The following RFX2 variants were observed in gnomAD, a reference collection of about 807,000 sequenced individuals.
The protein encoded by RFX2 is regulatory factor X2, also known as DNA-binding protein RFX2.
Under a neutral mutation model 87.8 loss-of-function variants are expected in RFX2, and 20 were observed. The observed-to-expected ratio is 0.23, with a 90% CI of 0.16 to 0.33. RFX2 has a LOEUF of 0.33. Among genes scored for constraint, RFX2 ranks in the 10% least tolerant of loss-of-function variants. The pLI is 1.00. For missense variants in RFX2, 767 were observed against 1,012.3 expected (o/e 0.76, Z 3.29); for synonymous variants, 397 against 431.3 (o/e 0.92, Z 0.98).
chr19:6,098,273 G>A (rs2088058498), intron 1 of RFX2, among the ~76,000 whole-genome samples: 1 of 151,960 alleles, frequency 6.6e-6, no homozygotes, highest in African/African-American at 2.4e-5. Flanking sequence ...CATTAAAAAC[G>A]ACCTCTCCTC....
Position 6,095,863 on chromosome 19 carries a change from A to T in RFX2, c.-9+14530T>A, listed in dbSNP as rs796203587. ...ATTTTGAAGTGGTTAGAAAAAAATC[A>T]AAATCAAAATATTCTGTGATGCATG... On this transcript the variant is annotated intron_variant, in intron 1 of 17. Coordinates refer to ENST00000303657, the MANE Select transcript of RFX2 (RefSeq NM_000635.4). Among the ~76,000 whole-genome samples the T allele has an allele frequency of 1.8e-4, 27 of 152,348 alleles. 1 individual carries two copies. Among genetic ancestry groups the T allele is most frequent in the African/African-American group, 6.3e-4 (26 of 41,580 alleles).
At position 6,040,554 on chromosome 19, in the gene RFX2, G is replaced by A. The variant is rs1267941622; in HGVS notation, c.261-313C>T. ...GTGGGAAAATTGCTTGAGGTCAGAA[G>A]TTTGAGACCAGCCTGGGCAACATAG... On this transcript the variant is annotated intron_variant, in intron 4 of 17. Coordinates refer to ENST00000303657, the MANE Select transcript of RFX2 (RefSeq NM_000635.4). This position sits in a 1 kb window ranked among gnomAD's most constrained non-coding sequence, Gnocchi z 6.1. Among the ~76,000 whole-genome samples, 1 of 152,146 alleles carries A rather than the reference G, an allele frequency of 6.6e-6. No homozygotes were observed. The highest frequency in any genetic ancestry group is 1.9e-4 in the East Asian group (1 of 5,180).
chr19:6,017,425 C>T lies in RFX2; in HGVS notation c.598-1154G>A, dbSNP rs531957209. On this transcript the variant is annotated intron_variant, in intron 6 of 17. Coordinates refer to ENST00000303657, the MANE Select transcript of RFX2 (RefSeq NM_000635.4). The surrounding 1 kb of genome is among the most constrained non-coding windows in gnomAD (Gnocchi z 4.1). The stretch of plus-strand genomic sequence containing the variant: ...CCTCACCCAGGTGCCTTAAAGACTG[C>T]GGCTTAATTCTGGTTTCCACCTCTC... Among the ~76,000 whole-genome samples the T allele has an allele frequency of 1.1e-3, 163 of 152,308 alleles. No homozygotes were observed. Among genetic ancestry groups the T allele is most frequent in the South Asian group, 9.1e-3 (44 of 4,822 alleles).
intron 1 of RFX2, among the ~76,000 whole-genome samples, chr19:6,078,742 G>T (rs2087732108): frequency 1.3e-5 from 2 of 152,166 alleles, no homozygotes; most frequent in Admixed American, 6.5e-5. Context: ...TGTAGATGGT[G>T]GTCCTTCCCA....
rs995068224 is a variant in RFX2, at chr19:6,035,023, C to T, written c.522+4957G>A. ...CAGTAGGACATTTTAACTTCAGCTG[C>T]AATTAAAATCCATTAGACTTTTTTG... On this transcript the variant is annotated intron_variant, in intron 5 of 17. Coordinates refer to ENST00000303657, the MANE Select transcript of RFX2 (RefSeq NM_000635.4). Among the ~76,000 whole-genome samples the T allele has an allele frequency of 3.9e-5, 6 of 152,228 alleles. 1 individual carries two copies. The highest frequency in any genetic ancestry group is 1.3e-4 in the Admixed American group (2 of 15,304).
intron 5 of RFX2, among the ~76,000 whole-genome samples, chr19:6,031,423 CTTTTTTTTTTT>C (rs58834364): frequency 1.1e-5 from 1 of 90,186 alleles, no homozygotes; most frequent in Non-Finnish European, 2.0e-5. Context: ...TTCTCCTTCC[CTTTTTTTTTTT>C]TTTTTTTTTT....
At chr19:6,000,892 GT>G (rs1025885261) in intron 15 of RFX2, among the ~76,000 whole-genome samples, 1 of 152,224 alleles carries the variant, frequency 6.6e-6, no homozygotes, top group Non-Finnish European at 1.5e-5. Flanking sequence ...GAACAGCTTT[GT>G]TTTTTCCTGG....
chr19:6,018,437 A>G (rs1403460805), intron 6 of RFX2, among the ~76,000 whole-genome samples: 1 of 152,200 alleles, frequency 6.6e-6, no homozygotes, highest in East Asian at 1.9e-4. Flanking sequence ...TGGAGTGAGG[A>G]CCTGCCCTGG....
Position 6,002,626 on chromosome 19 carries a change from G to A in RFX2, c.1650+95C>T. 2.7e-6 allele frequency: 4 copies of A among 1,489,500 alleles called. No individual in the cohort carries two copies. Among genetic ancestry groups the A allele is most frequent in the Non-Finnish European group, 3.7e-6 (4 of 1,084,836 alleles). 92.3% of individuals were successfully genotyped at this position (1,489,500 alleles called of 1,614,324 possible). On this transcript the variant is annotated intron_variant, in intron 14 of 17. Transcript: ENST00000303657. This position sits in a 1 kb window ranked among gnomAD's most constrained non-coding sequence, Gnocchi z 6.7. ...AGAACCGTGGCCAGGCTCGGGGCAG[G>A]GGCCAGGTTGTGCCACGGGCTCCAC...
intron 1 of RFX2, chr19:6,073,073 G>A (rs966256072): frequency 8.8e-6 from 4 of 455,292 alleles, no homozygotes; most frequent in African/African-American, 2.0e-5. Context: ...TCCGCCTTCC[G>A]GGTTGAAGCA....
intron 6 of RFX2, among the ~76,000 whole-genome samples, chr19:6,019,512 ATGTGTGTG>A (rs147877773): frequency 1.3e-4 from 16 of 126,988 alleles, no homozygotes; most frequent in Admixed American, 2.4e-4. Context: ...GTGTGTGAGT[ATGTGTGTG>A]TGTGTGTGTG....
intron 1 of RFX2, among the ~76,000 whole-genome samples, chr19:6,086,155 C>T (rs2087853504): frequency 6.6e-6 from 1 of 151,064 alleles, no homozygotes; most frequent in Admixed American, 6.6e-5. Flanking sequence ...ATGTGGAAAC[C>T]CAGTTTTCCC....
intron 12 of RFX2, among the ~76,000 whole-genome samples, chr19:6,006,460 ATTTT>A (rs35404707): frequency 9.2e-6 from 1 of 108,556 alleles, no homozygotes; most frequent in African/African-American, 4.2e-5. Context: ...TGCCCAGCTC[ATTTT>A]TTTTTTTTTT....
rs765066228 is a variant in RFX2, at chr19:6,001,781, G to A, written c.1859+34C>T. The A allele has an allele frequency of 1.7e-5, 26 of 1,540,472 alleles. No homozygotes were observed. The highest frequency in any genetic ancestry group is 1.2e-4 in the South Asian group (10 of 83,848). On this transcript the variant is annotated intron_variant, in intron 15 of 17. Coordinates refer to ENST00000303657, the MANE Select transcript of RFX2 (RefSeq NM_000635.4). This position sits in a 1 kb window ranked among gnomAD's most constrained non-coding sequence, Gnocchi z 5.6. ...AAGTTTCTCTCAGAGCCCCCCACCCGCCAGAATTCTCTCGGAGGTCTGGTG... is the reference window on the plus strand; with the variant it reads ...AAGTTTCTCTCAGAGCCCCCCACCCACCAGAATTCTCTCGGAGGTCTGGTG...
chr19:6,032,819 CCTT>C (rs2086968860), intron 5 of RFX2, among the ~76,000 whole-genome samples: 1 of 152,188 alleles, frequency 6.6e-6, no homozygotes, highest in Non-Finnish European at 1.5e-5. Context: ...GACAGGGTCT[CCTT>C]CTGTCACCCA....
intron 1 of RFX2, among the ~76,000 whole-genome samples, chr19:6,106,301 A>G (rs1211164186): frequency 6.6e-6 from 1 of 152,162 alleles, no homozygotes; most frequent in Non-Finnish European, 1.5e-5. Flanking sequence ...CACCAGGCAT[A>G]TGTCTACATG....
chr19:6,077,711 G>A (rs2087712824), intron 1 of RFX2, among the ~76,000 whole-genome samples: 1 of 152,208 alleles, frequency 6.6e-6, no homozygotes, highest in Non-Finnish European at 1.5e-5. Flanking sequence ...GCCGGGCGCG[G>A]TGGCTCACAC....
In RFX2 at chr19:5,997,126, C is replaced by T. The variant is rs766526459; in HGVS notation, c.1947G>A (p.Met649Ile). 19 of 1,613,806 alleles carry T rather than the reference C, an allele frequency of 1.2e-5. No individual in the cohort carries two copies. Among genetic ancestry groups the T allele is most frequent in the Non-Finnish European group, 1.4e-5 (17 of 1,180,012 alleles). ...HLIRLLYDEYMFYLVEHRVAE... is the reference protein window; with the variant it reads ...HLIRLLYDEYIFYLVEHRVAE... ...CGACGCGGTGCTCCACCAGGTAGAA[C>T]ATGTACTCGTCGTAGAGCAGGCGGA... Residue 649 changes from methionine (M) to isoleucine (I), a missense_variant, in exon 16 of 18, where the codon ATG becomes ATA. By Grantham distance (10) the Met-to-Ile change is conservative. Transcript: ENST00000303657. This position sits in a 1 kb window ranked among gnomAD's most constrained non-coding sequence, Gnocchi z 4.2.
At position 6,022,830 on chromosome 19, in the gene RFX2, G is replaced by A. The variant is rs2086835216; in HGVS notation, c.597+3333C>T. Among the ~76,000 whole-genome samples the A allele has an allele frequency of 6.6e-6, 1 of 152,214 alleles. No individual in the cohort carries two copies. The highest frequency in any genetic ancestry group is 2.1e-4 in the South Asian group (1 of 4,830). ...CCCCCTGGGTCCAAGCCCCTAGAGG[G>A]GAGGCCTGGGAAGCTCCTGTTGACC... is the stretch of plus-strand genomic sequence containing the variant. On this transcript the variant is annotated intron_variant, in intron 6 of 17. Coordinates refer to ENST00000303657, the MANE Select transcript of RFX2 (RefSeq NM_000635.4). This position sits in a 1 kb window ranked among gnomAD's most constrained non-coding sequence, Gnocchi z 6.2.
Sources: allele counts gnomAD v4.1 joint callset (sites outside exome capture counted in the v4.1 genomes callset), GRCh38; gene constraint gnomAD v4.1.1; non-coding constraint Gnocchi (gnomAD v3.1); transcripts MANE v1.5; gene names NCBI Gene and HGNC (gene_info 2026-07-23, HGNC 2026-07-21).